Variants in PITPNC1 observed in about 807,000 individuals in gnomAD.
The protein encoded by PITPNC1 is phosphatidylinositol transfer protein cytoplasmic 1, also known as cytoplasmic phosphatidylinositol transfer protein 1.
In PITPNC1, 18 loss-of-function variants were observed where a neutral mutation model predicts 44.7. The observed-to-expected ratio is 0.40, with a 90% CI of 0.28 to 0.60. The LOEUF (loss-of-function observed/expected upper bound fraction) is 0.60, where lower values mean the gene tolerates loss of function less well. PITPNC1 is among the 20% of genes least tolerant of loss of function. The pLI, the probability that PITPNC1 is intolerant of heterozygous loss-of-function variation, is 0.39. For synonymous variants in PITPNC1, 141 were observed against 149.6 expected, an observed-to-expected ratio of 0.94 and a Z score of 0.42; for missense variants, 290 against 418.4, an observed-to-expected ratio of 0.69 and a Z score of 2.68.
intron 1 of PITPNC1, among the ~76,000 whole-genome samples, chr17:67,519,180 T>G (rs1484742649): frequency 2.8e-5 from 4 of 145,064 alleles, no homozygotes; most frequent in East Asian, 2.0e-4. Context: ...TGTTTTTTTT[T>G]TTTTTTTTTT....
chr17:67,408,538 CAAAAA>C (rs774274464), intron 1 of PITPNC1, among the ~76,000 whole-genome samples: 1 of 151,318 alleles, frequency 6.6e-6, no homozygotes, highest in African/African-American at 2.4e-5. Flanking sequence ...TCAAAACAAA[CAAAAA>C]AAAAGTTTTT....
In PITPNC1 at chr17:67,420,059, A is replaced by G. The variant is rs187790738; in HGVS notation, c.48+41857A>G. 3.2e-3 allele frequency among the ~76,000 whole-genome samples: 488 copies of G among 152,344 alleles called. 4 individuals are homozygous for G. The highest frequency in any genetic ancestry group is 0.011 in the African/African-American group (475 of 41,582). On this transcript the variant is annotated intron_variant, in intron 1 of 8. Coordinates refer to ENST00000581322, the MANE Select transcript of PITPNC1 (RefSeq NM_012417.4). ...CTTCATGCATTTTGGACCTGACATG[A>G]GTCCGTCTTTGATCCCTGAGGGGTG... is the stretch of plus-strand genomic sequence containing the variant.
chr17:67,599,245 T>C (rs1283858902), intron 5 of PITPNC1, among the ~76,000 whole-genome samples: 1 of 151,606 alleles, frequency 6.6e-6, no homozygotes, highest in Non-Finnish European at 1.5e-5. Flanking sequence ...GTGAGGTTGA[T>C]GAATTCAGTT....
At chr17:67,629,624 T>G (rs974088909) in intron 5 of PITPNC1, among the ~76,000 whole-genome samples, 4 of 152,232 alleles carry the variant, frequency 2.6e-5, no homozygotes, top group African/African-American at 9.7e-5. Flanking sequence ...TCTTAGCTCA[T>G]ACTTAAAAGA....
At chr17:67,669,276 C>T (rs1383463420) in intron 6 of PITPNC1, among the ~76,000 whole-genome samples, 2 of 152,126 alleles carry the variant, frequency 1.3e-5, no homozygotes, top group Non-Finnish European at 2.9e-5. Flanking sequence ...CCACCATGCC[C>T]AGCTAATTTT....
At chr17:67,594,291 T>C (rs568930630) in intron 5 of PITPNC1, among the ~76,000 whole-genome samples, 1 of 152,144 alleles carries the variant, frequency 6.6e-6, no homozygotes, top group South Asian at 2.1e-4. Context: ...TCATAAACCA[T>C]AGTTCTCTTT....
chr17:67,531,929 C>T (rs1313937493), intron 1 of PITPNC1, among the ~76,000 whole-genome samples: 2 of 152,124 alleles, frequency 1.3e-5, no homozygotes, highest in Admixed American at 6.5e-5. Flanking sequence ...CCATCAAATT[C>T]GTTTTGCCAC....
intron 1 of PITPNC1, among the ~76,000 whole-genome samples, chr17:67,494,357 G>A (rs898609125): frequency 6.6e-6 from 1 of 151,556 alleles, no homozygotes; most frequent in African/African-American, 2.4e-5. Flanking sequence ...CTGCTACCAC[G>A]TCTGGCTAAT....
chr17:67,688,564 T>C (rs979491735), intron 8 of PITPNC1, among the ~76,000 whole-genome samples: 1 of 152,102 alleles, frequency 6.6e-6, no homozygotes, highest in Non-Finnish European at 1.5e-5. Flanking sequence ...CCATTTTGCA[T>C]GCAGTGATCT....
At chr17:67,629,898 G>C (rs2041944636) in intron 5 of PITPNC1, among the ~76,000 whole-genome samples, 1 of 152,198 alleles carries the variant, frequency 6.6e-6, no homozygotes, top group Non-Finnish European at 1.5e-5. Flanking sequence ...GCCACCTCGG[G>C]TCAGACTAGG....
At chr17:67,600,463 A>C (rs2144272577) in intron 5 of PITPNC1, among the ~76,000 whole-genome samples, 1 of 152,258 alleles carries the variant, frequency 6.6e-6, no homozygotes. Context: ...TTTTAAAAGA[A>C]TGAGAAATTA....
chr17:67,559,532 T>A (rs555173997), intron 4 of PITPNC1, among the ~76,000 whole-genome samples: 1 of 152,282 alleles, frequency 6.6e-6, no homozygotes, highest in African/African-American at 2.4e-5. Flanking sequence ...GTCCTCCAGT[T>A]GGGGGCACTG....
At chr17:67,449,848 A>C (rs1483651660) in intron 1 of PITPNC1, among the ~76,000 whole-genome samples, 1 of 152,370 alleles carries the variant, frequency 6.6e-6, no homozygotes, top group African/African-American at 2.4e-5. Context: ...CTGTTAGCTC[A>C]GATTTTAAAA....
Position 67,508,539 on chromosome 17 carries a change from A to G in PITPNC1, c.49-24263A>G, listed in dbSNP as rs2040136692. Reference sequence around the variant, plus strand: ...TTCTCTACTGCAAACCTGTTTTTTTATGACCTGTATCTCACGCCGACCTTC... The same window carrying G: ...TTCTCTACTGCAAACCTGTTTTTTTGTGACCTGTATCTCACGCCGACCTTC... On this transcript the variant is annotated intron_variant, in intron 1 of 8. Transcript: ENST00000581322. This position sits in a 1 kb window ranked among gnomAD's most constrained non-coding sequence, Gnocchi z 4.2. Among the ~76,000 whole-genome samples, 1 of 152,030 alleles carries G rather than the reference A, an allele frequency of 6.6e-6. No individual in the cohort carries two copies. Among genetic ancestry groups the G allele is most frequent in the African/African-American group, 2.4e-5 (1 of 41,382 alleles).
chr17:67,550,378 G>C (rs2040743417), intron 2 of PITPNC1, among the ~76,000 whole-genome samples: 1 of 151,678 alleles, frequency 6.6e-6, no homozygotes, highest in Non-Finnish European at 1.5e-5. Flanking sequence ...CAGCCACTGA[G>C]AGTCCATCTT....
intron 1 of PITPNC1, among the ~76,000 whole-genome samples, chr17:67,418,616 G>A (rs187438043): frequency 3.3e-5 from 5 of 152,084 alleles, no homozygotes; most frequent in Admixed American, 3.3e-4. Flanking sequence ...GAGTGCAGTG[G>A]TATGTCTTGT....
At chr17:67,464,017 A>G (rs2143981570) in intron 1 of PITPNC1, among the ~76,000 whole-genome samples, 1 of 152,172 alleles carries the variant, frequency 6.6e-6, no homozygotes, top group South Asian at 2.1e-4. Flanking sequence ...AACACAGTGA[A>G]ACCTCATCTG....
intron 1 of PITPNC1, among the ~76,000 whole-genome samples, chr17:67,418,818 C>G (rs1238722682): frequency 2.0e-5 from 3 of 152,204 alleles, no homozygotes; most frequent in Non-Finnish European, 4.4e-5. Flanking sequence ...GCCTCGGCCT[C>G]CCAAACTGCC....
At chr17:67,481,440 T>TGGTCACATAA (rs1322371932) in intron 1 of PITPNC1, among the ~76,000 whole-genome samples, 1 of 152,234 alleles carries the variant, frequency 6.6e-6, no homozygotes, top group Non-Finnish European at 1.5e-5. Context: ...AGCTCTGTGC[T>TGGTCACATAA]ATGGAGAAAA....
Sources: gnomAD v4.1 joint callset for allele counts (sites outside exome capture counted in the v4.1 genomes callset) on GRCh38, gnomAD v4.1.1 for gene constraint, Gnocchi (gnomAD v3.1) non-coding constraint, MANE v1.5 for transcripts, NCBI Gene and HGNC (gene_info 2026-07-23, HGNC 2026-07-21) for gene names.